The following CAMTA1 variants were observed in gnomAD, a reference collection of about 807,000 sequenced individuals.
CAMTA1 encodes calmodulin-binding transcription activator 1.
In CAMTA1, 27 loss-of-function variants were observed where a neutral mutation model predicts 170.9. The observed-to-expected ratio is 0.16, with a 90% CI of 0.12 to 0.22. The LOEUF (loss-of-function observed/expected upper bound fraction) is 0.22. Among genes scored for constraint, CAMTA1 ranks in the 10% least tolerant of loss-of-function variants. CAMTA1 has a pLI of 1.00. For missense variants in CAMTA1, 1,619 were observed against 2,217.2 expected, an observed-to-expected ratio of 0.73 and a Z score of 5.42; for synonymous variants, 833 against 891.5, an observed-to-expected ratio of 0.93 and a Z score of 1.17.
At chr1:7,469,784 T>C (rs2093294603) in intron 6 of CAMTA1, among the ~76,000 whole-genome samples, 2 of 152,206 alleles carry the variant, frequency 1.3e-5, no homozygotes, top group Non-Finnish European at 2.9e-5. Context: ...TCAGACACCA[T>C]TGGGCAGCCA....
intron 4 of CAMTA1, among the ~76,000 whole-genome samples, chr1:7,174,330 T>C (rs1387939663): frequency 2.0e-5 from 3 of 151,964 alleles, no homozygotes; most frequent in Non-Finnish European, 4.4e-5. Context: ...TTAGTCAGAG[T>C]GAGGAAGCGT....
chr1:7,203,293 T>A (rs1193600728), intron 4 of CAMTA1, among the ~76,000 whole-genome samples: 1 of 152,148 alleles, frequency 6.6e-6, no homozygotes, highest in African/African-American at 2.4e-5. Flanking sequence ...ATAAGAGATA[T>A]TGGTGAATAA....
chr1:7,385,158 C>A (rs1374826595), intron 5 of CAMTA1, among the ~76,000 whole-genome samples: 2 of 150,140 alleles, frequency 1.3e-5, no homozygotes, highest in Non-Finnish European at 3.0e-5. Flanking sequence ...GGCGTGATCT[C>A]GGCTCACTGC....
chr1:7,604,439 A>G (rs962140425), intron 6 of CAMTA1, among the ~76,000 whole-genome samples: 2 of 152,088 alleles, frequency 1.3e-5, no homozygotes, highest in Non-Finnish European at 2.9e-5. Context: ...TTGATCTTCC[A>G]TCACTGATAC....
At chr1:7,394,184 G>C (rs190090494) in intron 5 of CAMTA1, among the ~76,000 whole-genome samples, 1 of 152,060 alleles carries the variant, frequency 6.6e-6, no homozygotes, top group Non-Finnish European at 1.5e-5. Context: ...TAATGATTTC[G>C]TTTGCTTTGG....
chr1:7,087,237 G>A (rs1640870119), intron 3 of CAMTA1, among the ~76,000 whole-genome samples: 1 of 152,176 alleles, frequency 6.6e-6, no homozygotes, highest in African/African-American at 2.4e-5. Context: ...CCTCGTCGGC[G>A]GGAGCATCTC....
chr1:7,360,844 C>CT (rs2085486471), intron 5 of CAMTA1, among the ~76,000 whole-genome samples: 1 of 152,094 alleles, frequency 6.6e-6, no homozygotes, highest in Middle Eastern at 3.2e-3. Flanking sequence ...GAGTTGCCTG[C>CT]ACCAATTGGC....
intron 5 of CAMTA1, among the ~76,000 whole-genome samples, chr1:7,427,732 C>T (rs2091937151): frequency 6.6e-6 from 1 of 152,228 alleles, no homozygotes; most frequent in Non-Finnish European, 1.5e-5. Flanking sequence ...GGGCTGTCCT[C>T]TCCCTCTGCA....
intron 3 of CAMTA1, among the ~76,000 whole-genome samples, chr1:6,976,792 A>G (rs1364948709): frequency 1.3e-5 from 2 of 152,066 alleles, no homozygotes; most frequent in East Asian, 1.9e-4. Context: ...CCCAAATCTC[A>G]TCTTGAATTG....
intron 6 of CAMTA1, among the ~76,000 whole-genome samples, chr1:7,530,819 T>A (rs966780256): frequency 2.7e-5 from 4 of 146,768 alleles, no homozygotes; most frequent in African/African-American, 1.0e-4. Flanking sequence ...CTTGTTTTTT[T>A]TTTTTTTTTT....
intron 4 of CAMTA1, among the ~76,000 whole-genome samples, chr1:7,213,461 T>C (rs1659142631): frequency 1.3e-5 from 2 of 152,236 alleles, no homozygotes. Flanking sequence ...TAGATTATTT[T>C]ATTTTTTATT....
chr1:6,956,607 C>T (rs556238458), intron 3 of CAMTA1, among the ~76,000 whole-genome samples: 2 of 152,120 alleles, frequency 1.3e-5, no homozygotes, highest in African/African-American at 2.4e-5. Context: ...ATGAACTTGT[C>T]GGTGGCAGCA....
intron 6 of CAMTA1, among the ~76,000 whole-genome samples, chr1:7,538,972 C>G (rs1312465126): frequency 1.1e-5 from 1 of 94,092 alleles, no homozygotes; most frequent in Non-Finnish European, 2.0e-5. Flanking sequence ...CCAGAGGGGT[C>G]CCAGCCTGCT....
rs1438205566 is a variant in CAMTA1 at position 7,537,478 on chromosome 1, C to T, written c.510+69577C>T. Among the ~76,000 whole-genome samples the T allele has an allele frequency of 2.0e-5, 3 of 152,220 alleles. No homozygotes were observed. The East Asian group carries it at 5.8e-4, about 29-fold the overall frequency. On this transcript the variant is annotated intron_variant, in intron 6 of 22. Coordinates refer to ENST00000303635, the MANE Select transcript of CAMTA1 (RefSeq NM_015215.4). ...CCTGGCTGCCAAGGTCCTAACAACCCTTCTCCAAAAGGCGTCTGTGCACAG... is the reference window on the plus strand; with the variant it reads ...CCTGGCTGCCAAGGTCCTAACAACCTTTCTCCAAAAGGCGTCTGTGCACAG...
At chr1:7,244,029 C>G (rs1039288756) in intron 4 of CAMTA1, among the ~76,000 whole-genome samples, 1 of 152,026 alleles carries the variant, frequency 6.6e-6, no homozygotes, top group Non-Finnish European at 1.5e-5. Context: ...ACAATGAACT[C>G]AAACAAATTT....
intron 6 of CAMTA1, among the ~76,000 whole-genome samples, chr1:7,571,904 G>T (rs2095130862): frequency 6.6e-6 from 1 of 152,110 alleles, no homozygotes; most frequent in African/African-American, 2.4e-5. Flanking sequence ...GTTCTTTGAG[G>T]AATCACCATA....
In CAMTA1 at chr1:6,785,574, A is replaced by G. The variant is rs1318625523; in HGVS notation, c.44A>G (p.Lys15Arg). 9.4e-7 allele frequency: 1 copy of G among 1,062,330 alleles called. No homozygotes were observed. Among genetic ancestry groups the G allele is most frequent in the Admixed American group, 4.3e-5 (1 of 23,098 alleles). The allele number at this position is 1,062,330 out of a possible 1,614,324, so 65.8% of individuals were successfully genotyped here. Reference protein sequence around the residue: ...EGKWLPKTSRKSVSQSVFCGT... With the variant: ...EGKWLPKTSRRSVSQSVFCGT... ...AAATGGCTGCCGAAAACAAGCCGGA[A>G]GGTAAGAGCCGGAGCGCGAGGGGCT... The change falls in exon 1 of 23, where the codon AAG becomes AGG. Residue 15 changes from lysine to arginine, a missense_variant and splice_region_variant. Lys to Arg is a conservative substitution (Grantham distance 26). Coordinates refer to ENST00000303635, the MANE Select transcript of CAMTA1 (RefSeq NM_015215.4).
At chr1:7,441,999 CTT>C (rs932529836) in intron 5 of CAMTA1, among the ~76,000 whole-genome samples, 6 of 152,178 alleles carry the variant, frequency 3.9e-5, no homozygotes, top group Non-Finnish European at 8.8e-5. Flanking sequence ...CACCCATCCT[CTT>C]GTTACCCCAC....
rs973223628 is a variant in CAMTA1 at position 7,565,449 on chromosome 1, G to A, written c.511-74951G>A. Among the ~76,000 whole-genome samples, 4 of 152,280 alleles carry A rather than the reference G, an allele frequency of 2.6e-5. No homozygotes were observed. The East Asian group carries it at 7.8e-4, about 30-fold the overall frequency. On this transcript the variant is annotated intron_variant, in intron 6 of 22. Transcript: ENST00000303635. This position sits in a 1 kb window ranked among gnomAD's most constrained non-coding sequence, Gnocchi z 4.5. The stretch of plus-strand genomic sequence containing the variant: ...GACAACCCAGGTCCCTGACCACGTG[G>A]TAGAGTGAAGAGGCCAGGAACAGAG...
Sources: allele counts gnomAD v4.1 joint callset (sites outside exome capture counted in the v4.1 genomes callset), GRCh38; gene constraint gnomAD v4.1.1; non-coding constraint Gnocchi (gnomAD v3.1); transcripts MANE v1.5; gene names NCBI Gene and HGNC (gene_info 2026-07-23, HGNC 2026-07-21).